The following PDILT variants were observed in gnomAD, a reference collection of about 807,000 sequenced individuals.
The protein encoded by PDILT is protein disulfide-isomerase-like protein of the testis.
A neutral mutation model predicts 53.7 loss-of-function variants in PDILT; 43 were observed. The observed-to-expected ratio is 0.80, with a 90% CI of 0.63 to 1.03. The LOEUF is 1.03. PDILT is among the 50% of genes least tolerant of loss of function. PDILT has a pLI of 0.00. For synonymous variants in PDILT, 282 were observed against 274.2 expected (o/e 1.03, Z -0.28); for missense variants, 727 against 712.3 (o/e 1.02, Z -0.24).
At chr16:20,389,999 C>T (rs1966588840) in intron 2 of PDILT, among the ~76,000 whole-genome samples, 1 of 152,100 alleles carries the variant, frequency 6.6e-6, no homozygotes, top group African/African-American at 2.4e-5. Flanking sequence ...CTCAGGACAG[C>T]CCCCAGCCCC....
intron 2 of PDILT, among the ~76,000 whole-genome samples, chr16:20,394,508 G>A (rs1251634652): frequency 6.6e-6 from 1 of 152,158 alleles, no homozygotes; most frequent in Non-Finnish European, 1.5e-5. Context: ...ACGGCTATAG[G>A]GCAGTGATCA....
rs1966690648 is a variant in PDILT, at chr16:20,398,539, G to A, written c.202+560C>T. 2.0e-5 allele frequency among the ~76,000 whole-genome samples: 3 copies of A among 152,336 alleles called. No homozygotes were observed. In the South Asian group the frequency reaches 6.2e-4, roughly 32 times the overall value. ...CCATCTACTCAGATGTATGAGGCAT[G>A]AGAATCGCGTGAACACAGGAGGTGG... On this transcript the variant is annotated intron_variant, in intron 2 of 11. Transcript: ENST00000302451.
chr16:20,403,997 A>G (rs768986807), intron 1 of PDILT, among the ~76,000 whole-genome samples: 26 of 152,176 alleles, frequency 1.7e-4, no homozygotes, highest in African/African-American at 2.9e-4. Flanking sequence ...ACTCTCTGCC[A>G]TATCACCATT....
intron 8 of PDILT, among the ~76,000 whole-genome samples, chr16:20,367,427 T>G (rs1966229326): frequency 6.6e-6 from 1 of 152,002 alleles, no homozygotes; most frequent in African/African-American, 2.4e-5. Context: ...GGAGCACACA[T>G]GGGGTGGCCA....
chr16:20,394,674 C>T (rs1351603499), intron 2 of PDILT, among the ~76,000 whole-genome samples: 4 of 152,234 alleles, frequency 2.6e-5, no homozygotes, highest in Non-Finnish European at 5.9e-5. Flanking sequence ...CTGAGTGAAG[C>T]TGACATTGCT....
intron 4 of PDILT, 61 bp from the exon 5 acceptor site, chr16:20,375,020 A>G: frequency 6.6e-7 from 1 of 1,523,248 alleles, no homozygotes; most frequent in East Asian, 2.3e-5. Flanking sequence ...GGTTTATATA[A>G]GGGAAAGACG....
chr16:20,379,384 G>A (rs1476023642), intron 3 of PDILT, among the ~76,000 whole-genome samples: 1 of 152,102 alleles, frequency 6.6e-6, no homozygotes, highest in African/African-American at 2.4e-5. Flanking sequence ...TGTTGGCCAG[G>A]CTGGTCTCGA....
At chr16:20,375,074 GT>G in intron 4 of PDILT, 115 bp from the exon 5 acceptor site, 1 of 1,204,850 alleles carries the variant, frequency 8.3e-7, no homozygotes, top group Non-Finnish European at 1.1e-6. Flanking sequence ...AAGTTCTGGG[GT>G]TTGCCTGGGT....
intron 9 of PDILT, among the ~76,000 whole-genome samples, chr16:20,362,997 G>A (rs571554184): frequency 2.7e-5 from 4 of 149,216 alleles, no homozygotes; most frequent in Non-Finnish European, 4.4e-5. Context: ...GCTTGAACCC[G>A]GGAGGTGGAG....
intron 4 of PDILT, among the ~76,000 whole-genome samples, chr16:20,375,198 C>A (rs1184888698): frequency 2.0e-5 from 3 of 152,164 alleles, no homozygotes; most frequent in Non-Finnish European, 4.4e-5. Context: ...TAAATGTGAC[C>A]TTTTCCAATC....
rs768712699 is a variant in PDILT, at chr16:20,359,268, A to C, written c.*51T>G. The C allele has an allele frequency of 2.5e-6, 4 of 1,600,216 alleles. No homozygotes were observed. The highest frequency in any genetic ancestry group is 3.4e-6 in the Non-Finnish European group (4 of 1,174,404). ...TTATTGGAATCAATCCATTCAGAAA[A>C]TGATGCCAGGATCTGGAAAATAAGC... On this transcript the variant is annotated 3_prime_UTR_variant, in exon 12 of 12. Coordinates refer to ENST00000302451, the MANE Select transcript of PDILT (RefSeq NM_174924.2).
chr16:20,367,718 G>A (rs1218441270), intron 8 of PDILT, among the ~76,000 whole-genome samples: 1 of 152,186 alleles, frequency 6.6e-6, no homozygotes, highest in African/African-American at 2.4e-5. Flanking sequence ...TCAGCTGAGA[G>A]TGAGTGGGAA....
intron 3 of PDILT, among the ~76,000 whole-genome samples, chr16:20,378,430 CTCT>C (rs1429851748): frequency 6.6e-6 from 1 of 151,524 alleles, no homozygotes; most frequent in Admixed American, 6.6e-5. Context: ...CTTCCTCTTC[CTCT>C]TCTTCTCCTT....
intron 3 of PDILT, among the ~76,000 whole-genome samples, chr16:20,377,406 G>A (rs569057336): frequency 2.0e-5 from 3 of 152,158 alleles, no homozygotes; most frequent in South Asian, 2.1e-4. Flanking sequence ...AATATGTACC[G>A]AGTGCTTACT....
chr16:20,377,082 T>C (rs1397012192), intron 3 of PDILT, among the ~76,000 whole-genome samples: 1 of 152,148 alleles, frequency 6.6e-6, no homozygotes, highest in African/African-American at 2.4e-5. Flanking sequence ...GCCAGGAGTT[T>C]GGGACCAGTC....
chr16:20,369,634 TACTTGAAGAC>T lies in PDILT; in HGVS notation c.964_973del (p.Val322ThrfsTer15). ...GATATCGACCTCTGTGACCCGGAAG[TACTTGAAGAC>T]ACGTCCATTTCTGGGTTCGTCTGCA... On this transcript the variant is annotated frameshift_variant, in exon 8 of 12. Transcript: ENST00000302451. LOFTEE classifies it high-confidence loss of function. 6.2e-7 allele frequency: 1 copy of T among 1,614,208 alleles called. No homozygotes were observed.
intron 8 of PDILT, 68 bp downstream of exon 8, chr16:20,369,424 G>C (rs1966266866): frequency 2.0e-5 from 30 of 1,516,468 alleles, no homozygotes; most frequent in Non-Finnish European, 2.7e-5. Flanking sequence ...AATTATCAAG[G>C]CCAACAGAAT....
chr16:20,378,824 A>C (rs1019996895), intron 3 of PDILT, among the ~76,000 whole-genome samples: 1 of 152,088 alleles, frequency 6.6e-6, no homozygotes, highest in East Asian at 1.9e-4. Context: ...TTGCCACCTT[A>C]ACTTGTAACA....
chr16:20,365,550 A>C lies in PDILT; in HGVS notation c.1117-10T>G. On this transcript the variant is annotated splice_polypyrimidine_tract_variant and intron_variant, in intron 8 of 11. Coordinates refer to ENST00000302451, the MANE Select transcript of PDILT (RefSeq NM_174924.2). ...CACTGGATTGATGTTTCTAGGAAGC[A>C]CATTTGAGAGGCCTAAGAGTCTTCA... 1 of 1,614,112 alleles carries C rather than the reference A, an allele frequency of 6.2e-7. No individual in the cohort carries two copies. Among genetic ancestry groups the C allele is most frequent in the Admixed American group, 1.7e-5 (1 of 60,026 alleles).
Sources: gnomAD v4.1 joint callset for allele counts (sites outside exome capture counted in the v4.1 genomes callset) on GRCh38, gnomAD v4.1.1 for gene constraint, MANE v1.5 for transcripts, NCBI Gene and HGNC (gene_info 2026-07-23, HGNC 2026-07-21) for gene names.